DCC: variants seen among roughly 807,000 people sequenced by gnomAD.
The protein encoded by DCC is DCC netrin 1 receptor.
DCC carries 58 observed loss-of-function variants against 172.5 expected under a neutral mutation model. The ratio of observed to expected loss-of-function variants is 0.34; its 90% CI spans 0.27 to 0.42. DCC has a LOEUF of 0.42. Among genes scored for constraint, DCC ranks in the 10% least tolerant of loss-of-function variants. DCC has a pLI of 1.00. For synonymous variants in DCC, 709 were observed against 644.5 expected (o/e 1.10, Z -1.52); for missense variants, 1,740 against 1,791.0 (o/e 0.97, Z 0.51).
chr18:53,111,749 T>C (rs1309317349), intron 7 of DCC, among the ~76,000 whole-genome samples: 1 of 151,708 alleles, frequency 6.6e-6, no homozygotes, highest in Non-Finnish European at 1.5e-5. Context: ...CCAATCCTGT[T>C]GGAATTAATT....
chr18:52,888,669 T>G (rs969820433), intron 2 of DCC, among the ~76,000 whole-genome samples: 1 of 151,964 alleles, frequency 6.6e-6, no homozygotes. Flanking sequence ...TGTCAGTTAT[T>G]TAACATAAAA....
chr18:52,868,969 G>A (rs778506570), intron 2 of DCC, among the ~76,000 whole-genome samples: 109 of 152,210 alleles, frequency 7.2e-4, no homozygotes, highest in Non-Finnish European at 1.1e-3. Flanking sequence ...TGGCACTGGG[G>A]AATGTGGTGT....
At chr18:53,502,240 C>T (rs1232776643) in intron 27 of DCC, among the ~76,000 whole-genome samples, 2 of 152,146 alleles carry the variant, frequency 1.3e-5, no homozygotes, top group East Asian at 3.9e-4. Flanking sequence ...TGCCACTCCT[C>T]TCCCCCACTC....
At chr18:52,492,588 T>C (rs1350697060) in intron 1 of DCC, among the ~76,000 whole-genome samples, 4 of 151,656 alleles carry the variant, frequency 2.6e-5, no homozygotes, top group Non-Finnish European at 5.9e-5. Flanking sequence ...TGCTGAAGTG[T>C]GAAAGGAACT....
intron 1 of DCC, among the ~76,000 whole-genome samples, chr18:52,575,474 A>T (rs983015455): frequency 6.6e-6 from 1 of 152,138 alleles, no homozygotes; most frequent in Non-Finnish European, 1.5e-5. Context: ...TTTGTACCCA[A>T]TCCTAATGTG....
rs532286397 is a variant in DCC at position 53,436,475 on chromosome 18, A to C, written c.3229+1266A>C. Among the ~76,000 whole-genome samples, 5 of 152,336 alleles carry C rather than the reference A, an allele frequency of 3.3e-5. No homozygotes were observed. The South Asian group carries it at 1.0e-3, about 32-fold the overall frequency. On this transcript the variant is annotated intron_variant, in intron 22 of 28. Transcript: ENST00000442544. ...CTAAAAATAGTTTGCTGCATGTGAAATAGAATAGTGGTGTAAATTAAGTGA... is the reference window on the plus strand; with the variant it reads ...CTAAAAATAGTTTGCTGCATGTGAACTAGAATAGTGGTGTAAATTAAGTGA...
At chr18:53,404,555 C>A (rs1453434697) in intron 19 of DCC, among the ~76,000 whole-genome samples, 1 of 151,810 alleles carries the variant, frequency 6.6e-6, no homozygotes, top group Non-Finnish European at 1.5e-5. Flanking sequence ...CACGGTGAAA[C>A]CCTGTCTCTA....
At chr18:53,128,870 C>CACATATATATATATATATATAT (rs1300738812) in intron 7 of DCC, among the ~76,000 whole-genome samples, 3 of 77,458 alleles carry the variant, frequency 3.9e-5, no homozygotes, top group Non-Finnish European at 4.6e-5. Context: ...CACACACACA[C>CACATATATATATATATATATAT]ATATATATAT....
intron 12 of DCC, among the ~76,000 whole-genome samples, chr18:53,227,103 C>T (rs2056045386): frequency 6.6e-6 from 1 of 150,784 alleles, no homozygotes. Context: ...TGAGTGCCAC[C>T]ACCCTAGCTA....
At chr18:52,888,025 T>A (rs2039593725) in intron 2 of DCC, among the ~76,000 whole-genome samples, 1 of 152,256 alleles carries the variant, frequency 6.6e-6, no homozygotes, top group African/African-American at 2.4e-5. Context: ...TATCACTTAA[T>A]AAATGAAGTG....
Position 53,533,613 on chromosome 18 carries a change from G to A in DCC, c.*2960G>A, listed in dbSNP as rs771550859. Reference sequence around the variant, plus strand: ...AATGTATAAAGAATATTTGGATGATGCTCTAGCCAAAAGTTAAATATTTCG... The same window carrying A: ...AATGTATAAAGAATATTTGGATGATACTCTAGCCAAAAGTTAAATATTTCG... On this transcript the variant is annotated 3_prime_UTR_variant, in exon 29 of 29. Coordinates refer to ENST00000442544, the MANE Select transcript of DCC (RefSeq NM_005215.4). The A allele has an allele frequency of 1.3e-5, 2 of 152,088 alleles. No homozygotes were observed. Among genetic ancestry groups the A allele is most frequent in the Non-Finnish European group, 2.9e-5 (2 of 68,026 alleles). 9.4% of individuals were successfully genotyped at this position (152,088 alleles called of 1,614,324 possible). A position where few individuals can be genotyped will look rare whatever the true frequency, so the allele number is the denominator to read the frequency against.
In DCC at chr18:52,953,000, C is replaced by CAAAAAAAAA. The variant is rs11315976; in HGVS notation, c.985+27650_985+27658dup. 9.8e-4 allele frequency among the ~76,000 whole-genome samples: 51 copies of CAAAAAAAAA among 52,218 alleles called. 10 individuals carry two copies. Among genetic ancestry groups the CAAAAAAAAA allele is most frequent in the Non-Finnish European group, 9.5e-4 (30 of 31,538 alleles). The allele number at this position is 52,218 out of a possible 152,430, so 34.3% of individuals were successfully genotyped here. On this transcript the variant is annotated intron_variant, in intron 5 of 28. Transcript: ENST00000442544. ...GCACCACAGTAAGACTCTCCTGTCT[C>CAAAAAAAAA]AAAAAAAAAAAAAAAAAAAAAAAAA...
chr18:52,678,646 A>G (rs2035029), intron 1 of DCC, among the ~76,000 whole-genome samples: 36,720 of 152,096 alleles, frequency 0.24, 5,430 homozygotes, highest in South Asian at 0.4. Flanking sequence ...GGAGAGAATC[A>G]TTATCATCTC....
At chr18:52,800,163 G>C (rs564243753) in intron 2 of DCC, among the ~76,000 whole-genome samples, 1 of 152,166 alleles carries the variant, frequency 6.6e-6, no homozygotes, top group Non-Finnish European at 1.5e-5. Flanking sequence ...AGTGAGAAAA[G>C]GCATCCATGG....
chr18:52,604,201 G>A (rs182042084), intron 1 of DCC, among the ~76,000 whole-genome samples: 3 of 151,976 alleles, frequency 2.0e-5, no homozygotes, highest in East Asian at 3.9e-4. Context: ...TGATGCTCTC[G>A]GTATTCTGGC....
chr18:53,471,959 A>G (rs576146769), intron 25 of DCC, among the ~76,000 whole-genome samples: 1 of 152,198 alleles, frequency 6.6e-6, no homozygotes, highest in African/African-American at 2.4e-5. Flanking sequence ...GATTATGCCT[A>G]TTTTGGTCAT....
At chr18:52,359,927 A>G (rs1984546100) in intron 1 of DCC, among the ~76,000 whole-genome samples, 2 of 152,202 alleles carry the variant, frequency 1.3e-5, no homozygotes, top group Admixed American at 1.3e-4. Flanking sequence ...CCATGCCTCC[A>G]TGCTAGTAAA....
chr18:52,983,438 A>G (rs1423785966), intron 5 of DCC, among the ~76,000 whole-genome samples: 1 of 152,214 alleles, frequency 6.6e-6, no homozygotes, highest in Non-Finnish European at 1.5e-5. Flanking sequence ...GAAAATGGGC[A>G]GTGACATTTT....
chr18:53,508,049 TG>T, intron 27 of DCC, among the ~76,000 whole-genome samples: 1 of 151,492 alleles, frequency 6.6e-6, no homozygotes. Flanking sequence ...CCTGCCACCA[TG>T]CCCAGCTAAT....
Sources: gnomAD v4.1 joint callset for allele counts (sites outside exome capture counted in the v4.1 genomes callset) on GRCh38, gnomAD v4.1.1 for gene constraint, MANE v1.5 for transcripts, NCBI Gene and HGNC (gene_info 2026-07-23, HGNC 2026-07-21) for gene names.